Variants in BNC2 observed in about 807,000 individuals in gnomAD.
The protein encoded by BNC2 is zinc finger protein basonuclin-2.
In BNC2, 20 loss-of-function variants were observed where a neutral mutation model predicts 76.3. That is an observed-to-expected ratio of 0.26 (90% confidence interval 0.18 to 0.38). The LOEUF is 0.38. BNC2 is among the 10% of genes least tolerant of loss of function. The pLI, the probability that BNC2 is intolerant of heterozygous loss-of-function variation, is 1.00. For missense variants in BNC2, 1,382 were observed against 1,399.8 expected (o/e 0.99, Z 0.20); for synonymous variants, 582 against 514.8 (o/e 1.13, Z -1.77).
chr9:16,628,562 G>T (rs1029913284), intron 3 of BNC2, among the ~76,000 whole-genome samples: 3 of 152,154 alleles, frequency 2.0e-5, no homozygotes, highest in African/African-American at 7.2e-5. Context: ...AACAGGGGGA[G>T]GAACGGCACA....
chr9:16,664,914 G>T (rs1412296650), intron 3 of BNC2: 1 of 356,324 alleles, frequency 2.8e-6, no homozygotes, highest in African/African-American at 2.2e-5. Flanking sequence ...CCTATTCTTA[G>T]ATTCAGAATA....
In BNC2 at chr9:16,467,832, T is replaced by TA. The variant is rs75993887; in HGVS notation, c.670-30309dup. Among the ~76,000 whole-genome samples, 781 of 113,712 alleles carry TA rather than the reference T, an allele frequency of 6.9e-3. 4 individuals carry two copies. Among genetic ancestry groups the TA allele is most frequent in the South Asian group, 0.024 (88 of 3,730 alleles). 74.6% of individuals were successfully genotyped at this position (113,712 alleles called of 152,430 possible). On this transcript the variant is annotated intron_variant, in intron 5 of 6. Transcript: ENST00000380672. ...ATGTACCCTAAAACTTAGAGTATAA[T>TA]AAAAAAAAAAAATTAAAAAAAAAAA...
chr9:16,863,753 G>A (rs1453703220), intron 1 of BNC2, among the ~76,000 whole-genome samples: 1 of 152,058 alleles, frequency 6.6e-6, no homozygotes, highest in Non-Finnish European at 1.5e-5. Context: ...AAAGAGGTAA[G>A]GTCAAGAAAA....
At chr9:16,803,671 C>A (rs1261753316) in intron 1 of BNC2, among the ~76,000 whole-genome samples, 2 of 152,244 alleles carry the variant, frequency 1.3e-5, no homozygotes, top group Middle Eastern at 3.2e-3. Context: ...CCGGTGACAG[C>A]TTTCCAGATG....
At chr9:16,685,392 G>A (rs567774383) in intron 3 of BNC2, among the ~76,000 whole-genome samples, 2 of 152,344 alleles carry the variant, frequency 1.3e-5, no homozygotes, top group Admixed American at 1.3e-4. Flanking sequence ...ATCCTGAAAA[G>A]GACCTATGGC....
At chr9:16,564,110 C>G (rs1236298981) in intron 4 of BNC2, among the ~76,000 whole-genome samples, 1 of 152,024 alleles carries the variant, frequency 6.6e-6, no homozygotes, top group Admixed American at 6.6e-5. Flanking sequence ...TGACAGAAAG[C>G]AACAATTTCA....
At chr9:16,670,081 C>A (rs1225558371) in intron 3 of BNC2, among the ~76,000 whole-genome samples, 2 of 152,194 alleles carry the variant, frequency 1.3e-5, no homozygotes, top group African/African-American at 4.8e-5. Flanking sequence ...CATAATGTTT[C>A]AATCCCACTG....
At position 16,552,740 on chromosome 9, in the gene BNC2, G is replaced by A. The variant is rs1310620744; in HGVS notation, c.459C>T (p.His153=). The change falls in exon 5 of 7, where the codon CAC becomes CAT. Residue 153 remains histidine (H), a synonymous_variant. Transcript: ENST00000380672. ...AHALDKLSTQ[H]LYHPTQVEIV... ...TCTCCACTTGGGTGGGGTGGTACAGGTGCTGCGTGCTGAGCTTATCCAAGG... is the reference window on the plus strand; with the variant it reads ...TCTCCACTTGGGTGGGGTGGTACAGATGCTGCGTGCTGAGCTTATCCAAGG... 1 of 1,614,036 alleles carries A rather than the reference G, an allele frequency of 6.2e-7. No individual in the cohort carries two copies. Among genetic ancestry groups the A allele is most frequent in the African/African-American group, 1.3e-5 (1 of 74,908 alleles).
chr9:16,595,997 G>A (rs181627397), intron 3 of BNC2, among the ~76,000 whole-genome samples: 7 of 152,162 alleles, frequency 4.6e-5, no homozygotes, highest in Non-Finnish European at 8.8e-5. Context: ...TAACAGCTTC[G>A]AAGCAGCTAA....
chr9:16,628,781 C>G (rs1475668482), intron 3 of BNC2, among the ~76,000 whole-genome samples: 2 of 152,158 alleles, frequency 1.3e-5, no homozygotes, highest in African/African-American at 4.8e-5. Context: ...GATATTTTTA[C>G]ACAAATGCAC....
At chr9:16,447,025 CA>C (rs1274402028) in intron 5 of BNC2, among the ~76,000 whole-genome samples, 3 of 152,078 alleles carry the variant, frequency 2.0e-5, no homozygotes, top group Non-Finnish European at 4.4e-5. Context: ...AATTGGACTT[CA>C]AAGATTCCAA....
At chr9:16,578,267 T>G (rs557686692) in intron 4 of BNC2, among the ~76,000 whole-genome samples, 6 of 152,350 alleles carry the variant, frequency 3.9e-5, no homozygotes, top group African/African-American at 1.2e-4. Flanking sequence ...GAATTCAGTT[T>G]GTTTTCTTTC....
At chr9:16,643,346 C>G (rs532369497) in intron 3 of BNC2, among the ~76,000 whole-genome samples, 2 of 150,952 alleles carry the variant, frequency 1.3e-5, no homozygotes, top group Non-Finnish European at 2.9e-5. Context: ...TCTGGGAGAC[C>G]AGAATTTGGG....
chr9:16,777,342 G>A (rs1825996871), intron 1 of BNC2, among the ~76,000 whole-genome samples: 1 of 151,976 alleles, frequency 6.6e-6, no homozygotes, highest in African/African-American at 2.4e-5. Context: ...CAAAAGACCT[G>A]TGAAAAACAT....
At chr9:16,672,978 C>A (rs1428319239) in intron 3 of BNC2, among the ~76,000 whole-genome samples, 1 of 152,160 alleles carries the variant, frequency 6.6e-6, no homozygotes, top group Non-Finnish European at 1.5e-5. Context: ...AATCCTGAAT[C>A]AAATAGTAAA....
chr9:16,636,553 TCGG>T (rs1400333018), intron 3 of BNC2, among the ~76,000 whole-genome samples: 2 of 152,096 alleles, frequency 1.3e-5, no homozygotes, highest in Non-Finnish European at 2.9e-5. Flanking sequence ...TCCTCCTACC[TCGG>T]CCTCCCAAAG....
Position 16,610,744 on chromosome 9 carries a change from C to T in BNC2, c.331-27659G>A, listed in dbSNP as rs10116442. On this transcript the variant is annotated intron_variant, in intron 3 of 6. Transcript: ENST00000380672. ...GATCATTAGGTACATGGAGTCTTTC[C>T]AGGGGTACAACATCATACACACACT... Among the ~76,000 whole-genome samples, 1,002 of 152,196 alleles carry T rather than the reference C, an allele frequency of 6.6e-3. 9 individuals are homozygous for T. Among genetic ancestry groups the T allele is most frequent in the African/African-American group, 0.022 (911 of 41,528 alleles).
chr9:16,642,430 T>G (rs1253435057), intron 3 of BNC2, among the ~76,000 whole-genome samples: 1 of 152,148 alleles, frequency 6.6e-6, no homozygotes, highest in African/African-American at 2.4e-5. Flanking sequence ...AGTACATATT[T>G]TAACATATTC....
chr9:16,472,464 T>C (rs958933942), intron 5 of BNC2, among the ~76,000 whole-genome samples: 4 of 152,210 alleles, frequency 2.6e-5, no homozygotes, highest in African/African-American at 9.7e-5. Flanking sequence ...GGTTCTTATA[T>C]ATACCTACTC....
Sources: gnomAD v4.1 joint callset for allele counts (sites outside exome capture counted in the v4.1 genomes callset) on GRCh38, gnomAD v4.1.1 for gene constraint, MANE v1.5 for transcripts, NCBI Gene and HGNC (gene_info 2026-07-23, HGNC 2026-07-21) for gene names.